CRISP3: variants seen among roughly 807,000 people sequenced by gnomAD.
The protein encoded by CRISP3 is cysteine-rich secretory protein 3.
In CRISP3, 33 loss-of-function variants were observed where a neutral mutation model predicts 36.1. The ratio of observed to expected loss-of-function variants is 0.91; its 90% CI spans 0.69 to 1.22. The LOEUF (loss-of-function observed/expected upper bound fraction) is 1.22. Among genes scored for constraint, CRISP3 ranks in the 50% most tolerant of loss-of-function variants. The pLI is 0.00. For synonymous variants in CRISP3, 117 were observed against 104.6 expected (o/e 1.12, Z -0.72); for missense variants, 330 against 301.2 (o/e 1.10, Z -0.71).
intron 4 of CRISP3, 95 bp from the exon 5 acceptor site, chr6:49,733,943 GT>G: frequency 8.8e-7 from 1 of 1,139,712 alleles, no homozygotes; most frequent in Non-Finnish European, 1.3e-6. Flanking sequence ...CAGAATCCCT[GT>G]TTTTTAAATA....
intron 1 of CRISP3, among the ~76,000 whole-genome samples, chr6:49,740,806 C>A (rs748155875): frequency 3.0e-4 from 46 of 151,986 alleles, no homozygotes; most frequent in Non-Finnish European, 5.6e-4. Context: ...AACTGTAAGA[C>A]CCATCCTGTG....
chr6:49,731,283 T>G, intron 6 of CRISP3, 32 bp from the exon 7 acceptor site: 3 of 1,437,160 alleles, frequency 2.1e-6, no homozygotes, highest in Non-Finnish European at 1.9e-6. Flanking sequence ...TCAAATATTT[T>G]TCATTTTTAT....
intron 1 of CRISP3, among the ~76,000 whole-genome samples, chr6:49,743,654 A>G (rs1305460809): frequency 1.3e-5 from 2 of 152,190 alleles, no homozygotes; most frequent in Non-Finnish European, 2.9e-5. Flanking sequence ...CTAATATGCT[A>G]CGGAAGATAA....
In CRISP3 at chr6:49,728,528, TTTTG is replaced by T. The variant is rs1347569650; in HGVS notation, c.*198_*201del. ...AAAAATCCAAAGTTGTTGTTATAGA[TTTTG>T]TTTCTTTTTAACCATTTGTATGAAA... On this transcript the variant is annotated 3_prime_UTR_variant, in exon 8 of 8. Coordinates refer to ENST00000263045, the MANE Select transcript of CRISP3 (RefSeq NM_006061.4). The T allele has an allele frequency of 8.0e-6, 3 of 374,316 alleles. No homozygotes were observed. Among genetic ancestry groups the T allele is most frequent in the East Asian group, 4.2e-5 (1 of 24,040 alleles). 23.2% of individuals were successfully genotyped at this position (374,316 alleles called of 1,614,324 possible). A position where few individuals can be genotyped will look rare whatever the true frequency, so the allele number is the denominator to read the frequency against.
chr6:49,730,542 A>G (rs1404730063), intron 7 of CRISP3, among the ~76,000 whole-genome samples: 1 of 152,154 alleles, frequency 6.6e-6, no homozygotes, highest in Admixed American at 6.6e-5. Flanking sequence ...TTTTTAAAAT[A>G]ATGCTGTATT....
Position 49,727,555 on chromosome 6 carries a change from C to T in CRISP3, c.*1175G>A, listed in dbSNP as rs1768795956. 6.6e-6 allele frequency: 1 copy of T among 152,080 alleles called. No homozygotes were observed. The highest frequency in any genetic ancestry group is 2.4e-5 in the African/African-American group (1 of 41,422). The allele number at this position is 152,080 out of a possible 1,614,324, so 9.4% of individuals were successfully genotyped here. A position where few individuals can be genotyped will look rare whatever the true frequency, so the allele number is the denominator to read the frequency against. On this transcript the variant is annotated 3_prime_UTR_variant, in exon 8 of 8. Transcript: ENST00000263045. ...GAAATCAACACTACTGTTAAAAATACTCCAGATTCTATTCAGACTTCATCA... is the reference window on the plus strand; with the variant it reads ...GAAATCAACACTACTGTTAAAAATATTCCAGATTCTATTCAGACTTCATCA...
intron 1 of CRISP3, among the ~76,000 whole-genome samples, chr6:49,742,358 G>A (rs900742597): frequency 1.3e-5 from 2 of 152,046 alleles, no homozygotes; most frequent in African/African-American, 2.4e-5. Context: ...TTGCTTGGGC[G>A]CAGTGGCTCA....
rs1769168150 is a variant in CRISP3 at position 49,740,442 on chromosome 6, T to C, written c.38-3044A>G. On this transcript the variant is annotated intron_variant, in intron 1 of 7. Coordinates refer to ENST00000263045, the MANE Select transcript of CRISP3 (RefSeq NM_006061.4). ...ATATCAAAATAAGCAAGCTTCTTGCTGCCACCCCAAAATTAACTCTGAAAA... is the reference window on the plus strand; with the variant it reads ...ATATCAAAATAAGCAAGCTTCTTGCCGCCACCCCAAAATTAACTCTGAAAA... Among the ~76,000 whole-genome samples the C allele has an allele frequency of 1.3e-5, 2 of 151,302 alleles. 1 individual carries two copies. Among genetic ancestry groups the C allele is most frequent in the South Asian group, 4.2e-4 (2 of 4,788 alleles).
At position 49,735,491 on chromosome 6, in the gene CRISP3, C is replaced by T; in HGVS notation, c.316+13G>A. ...TGTTGATTTATTCAACAAATATTTC[C>T]TAATTTACATACTTGTCATTCGATC... On this transcript the variant is annotated intron_variant, in intron 4 of 7. Coordinates refer to ENST00000263045, the MANE Select transcript of CRISP3 (RefSeq NM_006061.4). 1 of 1,573,690 alleles carries T rather than the reference C, an allele frequency of 6.4e-7. No homozygotes were observed.
At chr6:49,732,670 T>C (rs1342693200) in intron 6 of CRISP3, among the ~76,000 whole-genome samples, 2 of 152,186 alleles carry the variant, frequency 1.3e-5, no homozygotes, top group African/African-American at 4.8e-5. Flanking sequence ...ATTTGAAATA[T>C]ATTGGGGATC....
intron 6 of CRISP3, 70 bp from the exon 7 acceptor site, chr6:49,731,321 C>G: frequency 1.2e-6 from 1 of 854,654 alleles, no homozygotes; most frequent in East Asian, 2.7e-5. Context: ...AGGTTAGTAT[C>G]AGTCACCAAA....
At chr6:49,741,100 A>T (rs1445576901) in intron 1 of CRISP3, among the ~76,000 whole-genome samples, 1 of 148,600 alleles carries the variant, frequency 6.7e-6, no homozygotes, top group African/African-American at 2.5e-5. Flanking sequence ...TCTCAAAAAA[A>T]ACAAAAAACA....
chr6:49,733,995 A>G, intron 4 of CRISP3, 147 bp from the exon 5 acceptor site: 1 of 622,728 alleles, frequency 1.6e-6, no homozygotes, highest in Non-Finnish European at 2.6e-6. Context: ...TGACTAATAC[A>G]TAAGGAGGGT....
chr6:49,733,189 A>G lies in CRISP3; in HGVS notation c.560+6T>C. The G allele has an allele frequency of 6.6e-7, 1 of 1,518,264 alleles. No homozygotes were observed. The highest frequency in any genetic ancestry group is 9.1e-7 in the Non-Finnish European group (1 of 1,104,256). 94.0% of individuals were successfully genotyped at this position (1,518,264 alleles called of 1,614,324 possible). On this transcript the variant is annotated splice_donor_region_variant and intron_variant, in intron 6 of 7. Transcript: ENST00000263045. ...ATTGACAATAAACGCTAAAATATAT[A>G]CTTACGCAGGACAATATTGGCAAAC... is the stretch of plus-strand genomic sequence containing the variant.
chr6:49,731,104 T>G, intron 7 of CRISP3, 59 bp downstream of exon 7: 1 of 1,256,632 alleles, frequency 8.0e-7, no homozygotes, highest in Non-Finnish European at 1.1e-6. Flanking sequence ...ATTTCCCAAT[T>G]CTTAGAAGAA....
At chr6:49,735,960 GTTCTTTTT>G (rs1171462788) in intron 3 of CRISP3, among the ~76,000 whole-genome samples, 3 of 152,018 alleles carry the variant, frequency 2.0e-5, no homozygotes, top group African/African-American at 7.2e-5. Context: ...TTCATTTCCA[GTTCTTTTT>G]TTCTTTTTTT....
At chr6:49,742,370 G>A (rs775832619) in intron 1 of CRISP3, among the ~76,000 whole-genome samples, 1 of 152,126 alleles carries the variant, frequency 6.6e-6, no homozygotes, top group Non-Finnish European at 1.5e-5. Flanking sequence ...AGTGGCTCAT[G>A]CCTGTAATCC....
chr6:49,737,426 G>T (rs749244505), intron 1 of CRISP3, 28 bp from the exon 2 acceptor site: 2 of 1,613,450 alleles, frequency 1.2e-6, no homozygotes, highest in Non-Finnish European at 1.7e-6. Flanking sequence ...GTGGAACAGG[G>T]ATCTGCATTA....
At chr6:49,735,360 T>G in intron 4 of CRISP3, 144 bp downstream of exon 4, 1 of 600,466 alleles carries the variant, frequency 1.7e-6, no homozygotes. Context: ...TTCTCAGAGT[T>G]ATCTCTACAT....
Sources: allele counts gnomAD v4.1 joint callset (sites outside exome capture counted in the v4.1 genomes callset), GRCh38; gene constraint gnomAD v4.1.1; transcripts MANE v1.5; gene names NCBI Gene and HGNC (gene_info 2026-07-23, HGNC 2026-07-21).